Variants in ITSN1 observed in about 807,000 individuals in gnomAD.
ITSN1 encodes intersectin 1.
In ITSN1, 58 loss-of-function variants were observed where a neutral mutation model predicts 239.8. The observed-to-expected ratio is 0.24, with a 90% CI of 0.20 to 0.30. The LOEUF is 0.30. Ranked by LOEUF, ITSN1 falls within the 10% of genes least tolerant of loss-of-function variation. The probability of loss-of-function intolerance (pLI) is 1.00; values close to 1 mark genes in which losing one functional copy is unlikely to be tolerated. For synonymous variants in ITSN1, 780 were observed against 770.8 expected (o/e 1.01, Z -0.20); for missense variants, 1,558 against 2,103.3 (o/e 0.74, Z 5.07).
At chr21:33,861,925 G>T (rs1387938193) in intron 31 of ITSN1, among the ~76,000 whole-genome samples, 12 of 126,192 alleles carry the variant, frequency 9.5e-5, no homozygotes, top group Non-Finnish European at 1.9e-4. Context: ...CAGCCTGGGC[G>T]ACAGAGTGAG....
intron 29 of ITSN1, among the ~76,000 whole-genome samples, chr21:33,839,677 ACT>A (rs1569288502): frequency 6.6e-6 from 1 of 151,872 alleles, no homozygotes; most frequent in East Asian, 1.9e-4. Context: ...ACTCCATAAC[ACT>A]CTACCTAATT....
chr21:33,808,278 A>G (rs948217555), intron 20 of ITSN1, among the ~76,000 whole-genome samples: 8 of 151,572 alleles, frequency 5.3e-5, no homozygotes, highest in Non-Finnish European at 7.4e-5. Context: ...TGGACAGCAG[A>G]AGAGAGAATT....
intron 29 of ITSN1, among the ~76,000 whole-genome samples, chr21:33,844,200 C>T (rs768660735): frequency 1.1e-4 from 17 of 152,208 alleles, no homozygotes; most frequent in Non-Finnish European, 1.6e-4. Context: ...TAAACGCCTT[C>T]GCTGCACTCC....
At chr21:33,710,536 T>C (rs1251607117) in intron 1 of ITSN1, among the ~76,000 whole-genome samples, 2 of 152,094 alleles carry the variant, frequency 1.3e-5, no homozygotes, top group Non-Finnish European at 2.9e-5. Context: ...TTTGGTTATA[T>C]TTTAGTATCC....
chr21:33,662,703 A>G (rs565823279), intron 1 of ITSN1, among the ~76,000 whole-genome samples: 1 of 152,368 alleles, frequency 6.6e-6, no homozygotes, highest in East Asian at 1.9e-4. Flanking sequence ...TGCTCAGCTC[A>G]TATAAAATGT....
chr21:33,767,325 T>C (rs972971178), intron 10 of ITSN1, among the ~76,000 whole-genome samples: 4 of 152,120 alleles, frequency 2.6e-5, no homozygotes, highest in African/African-American at 9.7e-5. Context: ...GGAAGAGAGA[T>C]GCTCCTAGTG....
intron 4 of ITSN1, 51 bp downstream of exon 4, chr21:33,722,702 A>G (rs1394647449): frequency 2.7e-6 from 4 of 1,501,846 alleles, no homozygotes; most frequent in Non-Finnish European, 3.6e-6. Context: ...GCAAAATAAA[A>G]TATCGTTTTG....
At chr21:33,826,404 G>A (rs1046438822) in intron 25 of ITSN1, among the ~76,000 whole-genome samples, 5 of 152,174 alleles carry the variant, frequency 3.3e-5, no homozygotes, top group Non-Finnish European at 7.3e-5. Context: ...TAGTAGGCTC[G>A]TGAGTTATAT....
intron 1 of ITSN1, among the ~76,000 whole-genome samples, chr21:33,686,051 A>G (rs2091219719): frequency 6.6e-6 from 1 of 152,200 alleles, no homozygotes; most frequent in Non-Finnish European, 1.5e-5. Flanking sequence ...GCTTTATTAC[A>G]ACTTAGAAGG....
intron 1 of ITSN1, among the ~76,000 whole-genome samples, chr21:33,685,006 A>G (rs1392840711): frequency 6.6e-6 from 1 of 152,204 alleles, no homozygotes; most frequent in East Asian, 1.9e-4. Context: ...GAGTAGTATC[A>G]TTACCCAGCT....
chr21:33,838,352 TCTC>T (rs1029758903), intron 29 of ITSN1: 86 of 985,226 alleles, frequency 8.7e-5, no homozygotes, highest in Non-Finnish European at 9.6e-5. Context: ...AGCGAGGACC[TCTC>T]CTCCTCGTTC....
chr21:33,783,172 A>G (rs2070345974), intron 16 of ITSN1, among the ~76,000 whole-genome samples: 1 of 152,314 alleles, frequency 6.6e-6, no homozygotes, highest in Non-Finnish European at 1.5e-5. Context: ...TCCCCTCCAA[A>G]TATTTGTTTT....
rs2148596844 is a variant in ITSN1 at position 33,897,327 on chromosome 21, T to G, written c.*9027T>G. ...TGGTGGCCCTGCATAGATAGGGGAGTTGGCCCCTGCCCACCCCGTGTTGTA... is the reference window on the plus strand; with the variant it reads ...TGGTGGCCCTGCATAGATAGGGGAGGTGGCCCCTGCCCACCCCGTGTTGTA... On this transcript the variant is annotated 3_prime_UTR_variant, in exon 40 of 40. Coordinates refer to ENST00000381318, the MANE Select transcript of ITSN1 (RefSeq NM_003024.3). 1 of 152,304 alleles carries G rather than the reference T, an allele frequency of 6.6e-6. No individual in the cohort carries two copies. The highest frequency in any genetic ancestry group is 6.5e-5 in the Admixed American group (1 of 15,288). 9.4% of individuals were successfully genotyped at this position (152,304 alleles called of 1,614,324 possible).
rs755212355 is a variant in ITSN1 at position 33,751,871 on chromosome 21, T to G, written c.588T>G (p.Thr196=). Reference sequence around the variant, plus strand: ...CTGGTCCAGGGTCACAACTAAACACTAAATTACAAAAGGCACAGTCATTTG... The same window carrying G: ...CTGGTCCAGGGTCACAACTAAACACGAAATTACAAAAGGCACAGTCATTTG... The part of the protein sequence containing the change: ...SRSGPGSQLN[T]KLQKAQSFDV... The change falls in exon 7 of 40, where the codon ACT becomes ACG. Residue 196 remains threonine, a synonymous_variant. Transcript: ENST00000381318. 6.2e-7 allele frequency: 1 copy of G among 1,613,744 alleles called. No homozygotes were observed. Among genetic ancestry groups the G allele is most frequent in the East Asian group, 2.2e-5 (1 of 44,858 alleles).
rs1372963612 is a variant in ITSN1 at position 33,899,080 on chromosome 21, C to G, written c.*10780C>G. 6.6e-6 allele frequency: 1 copy of G among 152,264 alleles called. No individual in the cohort carries two copies. The highest frequency in any genetic ancestry group is 1.5e-5 in the Non-Finnish European group (1 of 68,082). 9.4% of individuals were successfully genotyped at this position (152,264 alleles called of 1,614,324 possible). A position where few individuals can be genotyped will look rare whatever the true frequency, so the allele number is the denominator to read the frequency against. ...CCCAAACAGGCCCTGACTCTCCTTC[C>G]TTAGAACGATGCCCTCTGGCTGGGG... On this transcript the variant is annotated 3_prime_UTR_variant, in exon 40 of 40. Coordinates refer to ENST00000381318, the MANE Select transcript of ITSN1 (RefSeq NM_003024.3).
rs549648084 is a variant in ITSN1, at chr21:33,875,495, C to T, written c.4315C>T (p.His1439Tyr). Residue 1439 changes from histidine (H) to tyrosine (Y), a missense_variant, in exon 34 of 40, where the codon CAC (histidine) becomes TAC (tyrosine). Around this residue, in one of 2 missense-constraint regions of ITSN1, gnomAD observed 576 missense variants for 893.3 expected, o/e 0.64. Coordinates refer to ENST00000381318, the MANE Select transcript of ITSN1 (RefSeq NM_003024.3). ...NSDRLEWIQA[H>Y]VQCEGLSEQL... ...TGACCGGCTGGAGTGGATCCAGGCC[C>T]ACGTGCAGTGTGAAGGCCTGTCTGA... The T allele has an allele frequency of 1.2e-6, 2 of 1,614,124 alleles. No homozygotes were observed. Among genetic ancestry groups the T allele is most frequent in the African/African-American group, 1.3e-5 (1 of 75,022 alleles).
intron 1 of ITSN1, among the ~76,000 whole-genome samples, chr21:33,647,179 A>G (rs1460900487): frequency 1.3e-5 from 2 of 152,204 alleles, no homozygotes; most frequent in East Asian, 3.8e-4. Context: ...AGCAACTAAT[A>G]TTCTTTGTAT....
chr21:33,841,242 C>T (rs542486229), intron 29 of ITSN1, among the ~76,000 whole-genome samples: 1 of 152,328 alleles, frequency 6.6e-6, no homozygotes, highest in East Asian at 1.9e-4. Context: ...TCAGCGATGC[C>T]ATCAGAAGAA....
chr21:33,744,586 C>T (rs2067069851), intron 5 of ITSN1, among the ~76,000 whole-genome samples: 1 of 152,104 alleles, frequency 6.6e-6, no homozygotes, highest in Admixed American at 6.6e-5. Context: ...CAAAAGAAAC[C>T]AGAGTTTCTT....
Sources: gnomAD v4.1 joint callset for allele counts (sites outside exome capture counted in the v4.1 genomes callset) on GRCh38, gnomAD v4.1.1 for gene constraint, gnomAD v4.1.1 regional missense constraint, MANE v1.5 for transcripts, NCBI Gene and HGNC (gene_info 2026-07-23, HGNC 2026-07-21) for gene names.